The following CUL4A variants were observed in gnomAD, a reference collection of about 807,000 sequenced individuals.
The protein encoded by CUL4A is cullin-4A.
In CUL4A, 16 loss-of-function variants were observed where a neutral mutation model predicts 95.5. The observed-to-expected ratio is 0.17, with a 90% CI of 0.11 to 0.25. The LOEUF is 0.25. Ranked by LOEUF, CUL4A falls within the 10% of genes least tolerant of loss-of-function variation. The pLI, the probability that CUL4A is intolerant of heterozygous loss-of-function variation, is 1.00. For missense variants in CUL4A, 610 were observed against 937.0 expected, an observed-to-expected ratio of 0.65 and a Z score of 4.56; for synonymous variants, 380 against 353.1, an observed-to-expected ratio of 1.08 and a Z score of -0.85.
chr13:113,244,725 C>T (rs2041813078), intron 12 of CUL4A, among the ~76,000 whole-genome samples: 2 of 152,098 alleles, frequency 1.3e-5, no homozygotes, highest in South Asian at 2.1e-4. Context: ...CCTGTAGTCC[C>T]ACCTACTTGG....
intron 15 of CUL4A, among the ~76,000 whole-genome samples, chr13:113,248,076 C>T (rs1004247687): frequency 6.6e-6 from 1 of 152,102 alleles, no homozygotes; most frequent in Non-Finnish European, 1.5e-5. Context: ...TAGGATCCTC[C>T]TGTGAAGGTG....
Position 113,266,108 on chromosome 13 carries a change from T to A in CUL4A, c.*2526T>A, listed in dbSNP as rs2042392430. The stretch of plus-strand genomic sequence containing the variant: ...ATGTTTCACGGCAGCCTCTACCTTC[T>A]GGGCTCAAGCGATCCTCTCTTCTCA... On this transcript the variant is annotated 3_prime_UTR_variant, in exon 20 of 20. Coordinates refer to ENST00000375440, the MANE Select transcript of CUL4A (RefSeq NM_001008895.4). 1 of 152,224 alleles carries A rather than the reference T, an allele frequency of 6.6e-6. No individual in the cohort carries two copies. The highest frequency in any genetic ancestry group is 6.5e-5 in the Admixed American group (1 of 15,290). The allele number at this position is 152,224 out of a possible 1,614,324, so 9.4% of individuals were successfully genotyped here. A position where few individuals can be genotyped will look rare whatever the true frequency, so the allele number is the denominator to read the frequency against.
At chr13:113,234,440 A>G (rs1295362036) in intron 7 of CUL4A, among the ~76,000 whole-genome samples, 1 of 152,170 alleles carries the variant, frequency 6.6e-6, no homozygotes, top group African/African-American at 2.4e-5. Context: ...TCATAAAGGA[A>G]CCTGCCCCAT....
intron 15 of CUL4A, among the ~76,000 whole-genome samples, chr13:113,250,063 T>C (rs1427374884): frequency 6.6e-6 from 1 of 152,260 alleles, no homozygotes; most frequent in African/African-American, 2.4e-5. Flanking sequence ...TTCTTGATAG[T>C]GTGCTTCTAC....
intron 2 of CUL4A, among the ~76,000 whole-genome samples, chr13:113,211,892 T>C (rs1310575356): frequency 6.6e-6 from 1 of 152,114 alleles, no homozygotes; most frequent in Non-Finnish European, 1.5e-5. Flanking sequence ...CAGCAGTGTA[T>C]GGGAGCTCCG....
In CUL4A at chr13:113,246,035, C is replaced by A; in HGVS notation, c.1610C>A (p.Thr537Lys). 6.2e-7 allele frequency: 1 copy of A among 1,613,758 alleles called. No individual in the cohort carries two copies. Among genetic ancestry groups the A allele is most frequent in the Non-Finnish European group, 8.5e-7 (1 of 1,179,934 alleles). Residue 537 changes from threonine (T) to lysine (K), a missense_variant, in exon 15 of 20, where the codon ACG becomes AAG. By Grantham distance (78) the Thr-to-Lys change is moderately conservative. Coordinates refer to ENST00000375440, the MANE Select transcript of CUL4A (RefSeq NM_001008895.4). Reference protein sequence around the residue: ...ILTMGYWPTYTPMEVHLTPEM... With the variant: ...ILTMGYWPTYKPMEVHLTPEM... ...ACAATGGGCTACTGGCCAACATACA[C>A]GCCCATGGAAGTGCACTTAACCCCA... is the stretch of plus-strand genomic sequence containing the variant.
intron 11 of CUL4A, among the ~76,000 whole-genome samples, chr13:113,243,718 G>A (rs1012547527): frequency 2.0e-5 from 3 of 151,912 alleles, no homozygotes; most frequent in African/African-American, 7.3e-5. Flanking sequence ...CTGCTTTTCT[G>A]TGTGTTCAGA....
Position 113,224,368 on chromosome 13 carries a change from T to C in CUL4A, c.369-3608T>C, listed in dbSNP as rs7993861. ...ACTCCATCTCAAAAAAAAAAAAATG[T>C]CAAGCCAACTGTCCTCAGAATCTAA... is the stretch of plus-strand genomic sequence containing the variant. On this transcript the variant is annotated intron_variant, in intron 3 of 19. Transcript: ENST00000375440. 6.2e-3 allele frequency among the ~76,000 whole-genome samples: 944 copies of C among 151,588 alleles called. 8 individuals are homozygous for C. Among genetic ancestry groups the C allele is most frequent in the African/African-American group, 0.022 (906 of 41,296 alleles).
chr13:113,219,200 A>G, intron 3 of CUL4A, 152 bp downstream of exon 3: 2 of 510,014 alleles, frequency 3.9e-6, no homozygotes, highest in South Asian at 3.5e-5. Context: ...AGCGAAATTT[A>G]CCATTTAAAT....
chr13:113,208,953 A>G (rs1466600183), upstream of CUL4A: 3 of 1,168,398 alleles, frequency 2.6e-6, no homozygotes, highest in African/African-American at 3.4e-5. Context: ...CACTGCGCTG[A>G]CCCTTCGTCT....
At chr13:113,239,352 TC>T (rs1464256260) in intron 9 of CUL4A, 80 bp from the exon 10 acceptor site, 8 of 1,198,850 alleles carry the variant, frequency 6.7e-6, no homozygotes, top group East Asian at 2.4e-5. Flanking sequence ...TTGACGTTCT[TC>T]TGGTGCACGC....
Position 113,242,158 on chromosome 13 carries a change from G to A in CUL4A, c.1036-810G>A, listed in dbSNP as rs139107663. 5.2e-3 allele frequency among the ~76,000 whole-genome samples: 789 copies of A among 152,094 alleles called. 4 individuals carry two copies. Among genetic ancestry groups the A allele is most frequent in the Middle Eastern group, 0.024 (7 of 294 alleles). ...GGTGAAACCCCGTCTCTAGCTGGGC[G>A]TGGTGGTGTGCACCTGTAGTCCCAG... On this transcript the variant is annotated intron_variant, in intron 10 of 19. Transcript: ENST00000375440.
chr13:113,257,899 A>G (rs2042170368), intron 18 of CUL4A, among the ~76,000 whole-genome samples: 1 of 152,212 alleles, frequency 6.6e-6, no homozygotes. Context: ...TTAAAATATC[A>G]TCCTTGAACA....
intron 10 of CUL4A, among the ~76,000 whole-genome samples, chr13:113,242,343 A>C (rs2041740525): frequency 6.6e-6 from 1 of 152,212 alleles, no homozygotes; most frequent in South Asian, 2.1e-4. Context: ...ACTAGCCAAG[A>C]AGTCCCAAGA....
intron 11 of CUL4A, 135 bp downstream of exon 11, chr13:113,243,295 GT>G (rs991055322): frequency 1.6e-5 from 12 of 762,310 alleles, no homozygotes; most frequent in Admixed American, 3.0e-5. Context: ...TGTGGAAAGC[GT>G]TTTTATCAAG....
intron 18 of CUL4A, among the ~76,000 whole-genome samples, chr13:113,260,273 A>C (rs1434809014): frequency 1.3e-5 from 2 of 149,124 alleles, no homozygotes; most frequent in Non-Finnish European, 3.0e-5. Flanking sequence ...AATATAGGCC[A>C]GGTGTGGTAG....
rs571768814 is a variant in CUL4A at position 113,221,738 on chromosome 13, C to A, written c.368+2690C>A. On this transcript the variant is annotated intron_variant, in intron 3 of 19. Coordinates refer to ENST00000375440, the MANE Select transcript of CUL4A (RefSeq NM_001008895.4). Reference sequence around the variant, plus strand: ...GATTACAGGCGCCCACCACCATGCTCGGCTAATTTTTGTATTTTTAGTAGA... The same window carrying A: ...GATTACAGGCGCCCACCACCATGCTAGGCTAATTTTTGTATTTTTAGTAGA... 2.6e-5 allele frequency among the ~76,000 whole-genome samples: 4 copies of A among 151,994 alleles called. No individual in the cohort carries two copies. In the East Asian group the frequency reaches 7.7e-4, roughly 29 times the overall value.
At position 113,222,068 on chromosome 13, in the gene CUL4A, C is replaced by T. The variant is rs139635337; in HGVS notation, c.368+3020C>T. On this transcript the variant is annotated intron_variant, in intron 3 of 19. Coordinates refer to ENST00000375440, the MANE Select transcript of CUL4A (RefSeq NM_001008895.4). ...CAGGGAGCAGCGTGGGCAGCCCTGG[C>T]GCTGAGGAAGCTTACTGGGCAGAAG... 3.6e-3 allele frequency among the ~76,000 whole-genome samples: 544 copies of T among 152,250 alleles called. 2 individuals are homozygous for T. The highest frequency in any genetic ancestry group is 0.012 in the African/African-American group (517 of 41,554).
chr13:113,253,317 G>C (rs958343984), intron 16 of CUL4A, 122 bp downstream of exon 16: 1 of 441,876 alleles, frequency 2.3e-6, no homozygotes, highest in African/African-American at 2.0e-5. Flanking sequence ...GCTTTTATAA[G>C]TCAATAAAAT....
Sources: allele counts gnomAD v4.1 joint callset (sites outside exome capture counted in the v4.1 genomes callset), GRCh38; gene constraint gnomAD v4.1.1; transcripts MANE v1.5; gene names NCBI Gene and HGNC (gene_info 2026-07-23, HGNC 2026-07-21).